The following TUT7 variants were observed in gnomAD, a reference collection of about 807,000 sequenced individuals.
TUT7 encodes terminal uridylyl transferase 7.
TUT7 carries 33 observed loss-of-function variants against 165.9 expected under a neutral mutation model. That is an observed-to-expected ratio of 0.20 (90% CI 0.15 to 0.27). The LOEUF is 0.27. TUT7 is among the 10% of genes least tolerant of loss of function. The pLI, the probability that TUT7 is intolerant of heterozygous loss-of-function variation, is 1.00. For synonymous variants in TUT7, 552 were observed against 608.1 expected, an observed-to-expected ratio of 0.91 and a Z score of 1.36; for missense variants, 1,338 against 1,762.3, an observed-to-expected ratio of 0.76 and a Z score of 4.31.
intron 15 of TUT7, 63 bp downstream of exon 15, chr9:86,319,521 C>T: frequency 8.8e-7 from 1 of 1,138,874 alleles, no homozygotes; most frequent in South Asian, 1.4e-5. Flanking sequence ...GCTTGTAACA[C>T]ATGAACTGAT....
At chr9:86,302,773 T>C (rs146328618) in intron 25 of TUT7, among the ~76,000 whole-genome samples, 7 of 152,098 alleles carry the variant, frequency 4.6e-5, no homozygotes, top group Admixed American at 4.6e-4. Flanking sequence ...CCCGCCACCA[T>C]GCTTGGCTAA....
chr9:86,344,034 G>A (rs1251976441), intron 5 of TUT7, among the ~76,000 whole-genome samples: 1 of 152,132 alleles, frequency 6.6e-6, no homozygotes, highest in Non-Finnish European at 1.5e-5. Context: ...GGAAATACAT[G>A]TATAATAAAA....
intron 10 of TUT7, chr9:86,337,150 T>C: frequency 3.9e-6 from 1 of 254,814 alleles, no homozygotes; most frequent in East Asian, 8.8e-5. Flanking sequence ...GTCAGTCTCT[T>C]GTTCGTCTCA....
chr9:86,325,444 C>T lies in TUT7; in HGVS notation c.1679G>A (p.Arg560Gln), dbSNP rs41310053. ...PVGQLWVELL[R>Q]FYALEFNLAD... Reference sequence around the variant, plus strand: ...CAAATTAAATTCTAAAGCATAGAACCGCAGCAATTCCACCCAGAGCTGCCC... The same window carrying T: ...CAAATTAAATTCTAAAGCATAGAACTGCAGCAATTCCACCCAGAGCTGCCC... The change falls in exon 12 of 27, where the codon CGG (arginine) becomes CAG (glutamine). Residue 560 changes from arginine (R) to glutamine (Q), a missense_variant. By Grantham distance (43) the Arg-to-Gln change is conservative. Around this residue, in one of 7 missense-constraint regions of TUT7, gnomAD observed 28 missense variants for 69.4 expected, o/e 0.40. Transcript: ENST00000375963. 7,740 of 1,614,008 alleles carry T rather than the reference C, an allele frequency of 4.8e-3. 27 individuals are homozygous for T. The highest frequency in any genetic ancestry group is 5.7e-3 in the Non-Finnish European group (6,734 of 1,179,970).
intron 10 of TUT7, among the ~76,000 whole-genome samples, chr9:86,330,224 A>AT (rs2131491911): frequency 6.6e-6 from 1 of 151,816 alleles, no homozygotes; most frequent in East Asian, 1.9e-4. Context: ...TGCCCAGCTA[A>AT]TTTTTTTATA....
At chr9:86,353,880 G>A (rs140063804) in intron 1 of TUT7, among the ~76,000 whole-genome samples, 1 of 152,278 alleles carries the variant, frequency 6.6e-6, no homozygotes, top group Admixed American at 6.5e-5. Flanking sequence ...CCCCAAACAA[G>A]TTTGGTTTTG....
chr9:86,329,925 T>C lies in TUT7; in HGVS notation c.1456-1433A>G, dbSNP rs139783721. 1.8e-4 allele frequency among the ~76,000 whole-genome samples: 27 copies of C among 152,298 alleles called. No individual in the cohort carries two copies. In the East Asian group the frequency reaches 4.1e-3, roughly 23 times the overall value. On this transcript the variant is annotated intron_variant, in intron 10 of 26. Coordinates refer to ENST00000375963, the MANE Select transcript of TUT7 (RefSeq NM_024617.4). ...AATGTTTTCTCTAAGGAGCTCCACA[T>C]TTATCATTCTCTGTCCTCCTTACCC...
At position 86,354,269 on chromosome 9, in the gene TUT7, ACCTCCGGGGC is replaced by A. The variant is rs1225122316; in HGVS notation, c.-40_-32+1del. On this transcript the variant is annotated splice_donor_variant and 5_prime_UTR_variant, in exon 1 of 27. Transcript: ENST00000375963. LOFTEE classifies it low-confidence loss of function (5UTR_SPLICE). ...GGCCGGCGGGGGATGGAACCAACGTACCTCCGGGGCCAGGCCGGACAGCTACTCTGGAGTC... is the reference window on the plus strand; with the variant it reads ...GGCCGGCGGGGGATGGAACCAACGTACAGGCCGGACAGCTACTCTGGAGTC... 6.5e-6 allele frequency: 1 copy of A among 152,700 alleles called. No homozygotes were observed. Among genetic ancestry groups the A allele is most frequent in the Non-Finnish European group, 1.5e-5 (1 of 68,172 alleles). The allele number at this position is 152,700 out of a possible 1,614,324, so 9.5% of individuals were successfully genotyped here. A position where few individuals can be genotyped will look rare whatever the true frequency, so the allele number is the denominator to read the frequency against.
rs1204513985 is a variant in TUT7, at chr9:86,317,243, C to T, written c.3250G>A (p.Ala1084Thr). 1 of 1,613,784 alleles carries T rather than the reference C, an allele frequency of 6.2e-7. No individual in the cohort carries two copies. Among genetic ancestry groups the T allele is most frequent in the East Asian group, 2.2e-5 (1 of 44,848 alleles). Residue 1084 changes from alanine (A) to threonine (T), a missense_variant, in exon 17 of 27, where the codon GCA (alanine) becomes ACA (threonine). Physicochemically the swap from Ala to Thr is moderately conservative, Grantham distance 58. Around this residue, in one of 7 missense-constraint regions of TUT7, gnomAD observed 157 missense variants for 357.5 expected, o/e 0.44. Coordinates refer to ENST00000375963, the MANE Select transcript of TUT7 (RefSeq NM_024617.4). ...CCTGAATGTTTTCTGAGGACTCTTG[C>T]TAATTCTTCAATAGTTCTGACACAG... Reference protein sequence around the residue: ...LDCVRTIEELARVLRKHSGLR... With the variant: ...LDCVRTIEELTRVLRKHSGLR...
At chr9:86,294,641 C>T (rs1296300575) in intron 26 of TUT7, among the ~76,000 whole-genome samples, 2 of 151,296 alleles carry the variant, frequency 1.3e-5, no homozygotes, top group African/African-American at 2.4e-5. Context: ...TAAATAATGT[C>T]GACCCAAAGA....
intron 10 of TUT7, among the ~76,000 whole-genome samples, chr9:86,331,529 C>T (rs1400592424): frequency 6.6e-6 from 1 of 152,090 alleles, no homozygotes; most frequent in African/African-American, 2.4e-5. Flanking sequence ...TTAATAGTTG[C>T]AAACATTTAC....
chr9:86,338,686 T>C, intron 9 of TUT7, 137 bp downstream of exon 9: 1 of 960,816 alleles, frequency 1.0e-6, no homozygotes. Context: ...TACGTTTCTG[T>C]TGCAAAATTC....
At chr9:86,304,598 A>C (rs1827278848) in intron 24 of TUT7, among the ~76,000 whole-genome samples, 1 of 149,996 alleles carries the variant, frequency 6.7e-6, no homozygotes, top group Non-Finnish European at 1.5e-5. Flanking sequence ...AGATAACCAG[A>C]AAAAAAAAAG....
At chr9:86,351,768 G>A (rs892955473) in intron 2 of TUT7, among the ~76,000 whole-genome samples, 6 of 152,204 alleles carry the variant, frequency 3.9e-5, no homozygotes, top group South Asian at 4.2e-4. Flanking sequence ...AAAAGTGCTG[G>A]CCAGTTTGAA....
intron 10 of TUT7, among the ~76,000 whole-genome samples, chr9:86,329,315 G>A (rs576610472): frequency 1.3e-5 from 2 of 152,130 alleles, no homozygotes; most frequent in Admixed American, 1.3e-4. Context: ...CCTAAGGTCA[G>A]GAGTTCGAGA....
At chr9:86,315,810 C>G (rs1328258258) in intron 17 of TUT7, among the ~76,000 whole-genome samples, 1 of 151,288 alleles carries the variant, frequency 6.6e-6, no homozygotes, top group Admixed American at 6.6e-5. Flanking sequence ...TTTAAAAAAA[C>G]AAAGCCTAAC....
chr9:86,288,740 G>A lies in TUT7; in HGVS notation c.4425C>T (p.Ser1475=), dbSNP rs1370066303. 2 of 1,612,092 alleles carry A rather than the reference G, an allele frequency of 1.2e-6. No individual in the cohort carries two copies. Among genetic ancestry groups the A allele is most frequent in the Non-Finnish European group, 1.7e-6 (2 of 1,178,710 alleles). The change falls in exon 27 of 27, where the codon AGC becomes AGT. Residue 1475 remains serine, a synonymous_variant. Coordinates refer to ENST00000375963, the MANE Select transcript of TUT7 (RefSeq NM_024617.4). Reference sequence around the variant, plus strand: ...CCTGAGTCATATATTTACTGGAAAGGCTACCTAGAGGAGGGGAAGAAACAA... The same window carrying A: ...CCTGAGTCATATATTTACTGGAAAGACTACCTAGAGGAGGGGAAGAAACAA... The part of the protein sequence containing the change: ...ECPQFKGSSG[S]LSSKYMTQGK...
rs568795709 is a variant in TUT7, at chr9:86,315,776, C to T, written c.3274+1443G>A. Among the ~76,000 whole-genome samples the T allele has an allele frequency of 1.3e-4, 20 of 151,348 alleles. No homozygotes were observed. In the South Asian group the frequency reaches 4.0e-3, roughly 30 times the overall value. Reference sequence around the variant, plus strand: ...TTCTTTTTTTTTTATATTGTTCTGCCCTCTGTGAACAAATCAATGTACATT... The same window carrying T: ...TTCTTTTTTTTTTATATTGTTCTGCTCTCTGTGAACAAATCAATGTACATT... On this transcript the variant is annotated intron_variant, in intron 17 of 26. Coordinates refer to ENST00000375963, the MANE Select transcript of TUT7 (RefSeq NM_024617.4).
At chr9:86,340,255 G>GA in intron 7 of TUT7, 150 bp from the exon 8 acceptor site, 3 of 607,554 alleles carry the variant, frequency 4.9e-6, no homozygotes, top group East Asian at 2.8e-5. Context: ...ACTTGAAAAG[G>GA]AAAAAATATT....
Sources: gnomAD v4.1 joint callset for allele counts (sites outside exome capture counted in the v4.1 genomes callset) on GRCh38, gnomAD v4.1.1 for gene constraint, gnomAD v4.1.1 regional missense constraint, MANE v1.5 for transcripts, NCBI Gene and HGNC (gene_info 2026-07-23, HGNC 2026-07-21) for gene names.